Variants in STARD9 observed in about 807,000 individuals in gnomAD.
STARD9 encodes the protein stAR-related lipid transfer protein 9.
Under a neutral mutation model 399.8 loss-of-function variants are expected in STARD9, and 346 were observed. That is an observed-to-expected ratio of 0.87 (90% CI 0.79 to 0.95). The LOEUF (loss-of-function observed/expected upper bound fraction) is 0.95. STARD9 is among the 40% of genes least tolerant of loss of function. The pLI is 0.00. For missense variants in STARD9, 5,832 were observed against 5,667.5 expected, an observed-to-expected ratio of 1.03 and a Z score of -0.93; for synonymous variants, 2,203 against 2,143.5, an observed-to-expected ratio of 1.03 and a Z score of -0.77.
chr15:42,576,124 G>A (rs1408940491), intron 1 of STARD9, among the ~76,000 whole-genome samples: 1 of 152,188 alleles, frequency 6.6e-6, no homozygotes, highest in Non-Finnish European at 1.5e-5. Flanking sequence ...GGGCTTGGGA[G>A]TACCCATGAG....
intron 24 of STARD9, 79 bp from the exon 25 acceptor site, chr15:42,695,061 C>T (rs2060810963): frequency 2.5e-6 from 3 of 1,200,014 alleles, no homozygotes; most frequent in African/African-American, 3.1e-5. Flanking sequence ...AAGGTGGTAT[C>T]ACCCAAGCTA....
At chr15:42,699,584 G>A (rs1383147364) in intron 26 of STARD9, among the ~76,000 whole-genome samples, 3 of 151,404 alleles carry the variant, frequency 2.0e-5, no homozygotes, top group Non-Finnish European at 1.5e-5. Context: ...TAGTAGAGAT[G>A]GGGTTTCACC....
intron 9 of STARD9, among the ~76,000 whole-genome samples, chr15:42,654,764 G>A (rs1284268532): frequency 2.0e-5 from 3 of 152,076 alleles, no homozygotes; most frequent in Admixed American, 2.0e-4. Flanking sequence ...AAACACCGCT[G>A]AAAGAAATCA....
chr15:42,592,303 G>C (rs1283225462), intron 3 of STARD9, among the ~76,000 whole-genome samples: 3 of 152,138 alleles, frequency 2.0e-5, no homozygotes, highest in African/African-American at 7.2e-5. Flanking sequence ...AAGGATATGG[G>C]AAAAGGAAGC....
intron 3 of STARD9, among the ~76,000 whole-genome samples, chr15:42,631,444 G>T (rs1191952471): frequency 1.3e-5 from 2 of 152,040 alleles, no homozygotes; most frequent in African/African-American, 4.8e-5. Flanking sequence ...ACCAGGCGTG[G>T]TGGTGTGCGC....
chr15:42,598,836 C>G (rs1444453520), intron 3 of STARD9, among the ~76,000 whole-genome samples: 1 of 152,162 alleles, frequency 6.6e-6, no homozygotes, highest in African/African-American at 2.4e-5. Context: ...TTATTGAACA[C>G]TCATTCTTTC....
At chr15:42,647,108 A>G (rs1029039562) in intron 7 of STARD9, among the ~76,000 whole-genome samples, 12 of 152,360 alleles carry the variant, frequency 7.9e-5, no homozygotes, top group Middle Eastern at 3.4e-3. Context: ...CAGATATAAT[A>G]ATAATGAAAA....
intron 25 of STARD9, 52 bp from the exon 26 acceptor site, chr15:42,695,691 G>C (rs1278802965): frequency 5.9e-6 from 9 of 1,513,884 alleles, no homozygotes; most frequent in South Asian, 1.2e-5. Flanking sequence ...GCGTGGCCTG[G>C]GGAAAGTGAG....
At chr15:42,630,944 G>T (rs1255849229) in intron 3 of STARD9, among the ~76,000 whole-genome samples, 1 of 143,612 alleles carries the variant, frequency 7.0e-6, no homozygotes, top group South Asian at 2.2e-4. Flanking sequence ...TTTTTCTTCT[G>T]CTCATTTTGT....
intron 10 of STARD9, among the ~76,000 whole-genome samples, chr15:42,661,507 T>C (rs1000558831): frequency 7.2e-5 from 11 of 152,084 alleles, no homozygotes; most frequent in African/African-American, 2.7e-4. Flanking sequence ...TGCAGTAGTA[T>C]GATCATGGCT....
rs749951488 is a variant in STARD9 at position 42,688,493 on chromosome 15, C to A, written c.6915C>A (p.Asp2305Glu). The A allele has an allele frequency of 6.5e-7, 1 of 1,537,884 alleles. No individual in the cohort carries two copies. Among genetic ancestry groups the A allele is most frequent in the South Asian group, 1.2e-5 (1 of 84,060 alleles). The change falls in exon 23 of 33, where the codon GAC (aspartate) becomes GAA (glutamate). Residue 2305 changes from aspartate (D) to glutamate (E), a missense_variant. Asp to Glu is a conservative substitution (Grantham distance 45). This residue lies in a region of STARD9 where 5,828 missense variants were observed against 5,651.1 expected (regional missense o/e 1.03). Transcript: ENST00000290607. ...CTAGTCTCAGCCAGCTTTGTAGGGA[C>A]ACGTTTTTCAGGCAGGAAACTGTCA... ...KFPSLSQLCR[D>E]TFFRQETVSP...
intron 7 of STARD9, among the ~76,000 whole-genome samples, chr15:42,649,654 G>T (rs563814666): frequency 6.7e-4 from 101 of 151,380 alleles, no homozygotes; most frequent in African/African-American, 2.4e-3. Context: ...CTGCCTCCTA[G>T]GTCCAAGTGA....
chr15:42,645,684 C>T lies in STARD9; in HGVS notation c.560-5332C>T, dbSNP rs1176119711. On this transcript the variant is annotated intron_variant, in intron 7 of 32. Transcript: ENST00000290607. ...AGGCTCATGTGATTCATTTTCCCACCCATGCGCTACCATACCTGGCTAATT... is the reference window on the plus strand; with the variant it reads ...AGGCTCATGTGATTCATTTTCCCACTCATGCGCTACCATACCTGGCTAATT... Among the ~76,000 whole-genome samples the T allele has an allele frequency of 2.0e-5, 3 of 151,822 alleles. No homozygotes were observed. The East Asian group carries it at 5.9e-4, about 30-fold the overall frequency.
In STARD9 at chr15:42,685,215, G is replaced by A. The variant is rs1251704823; in HGVS notation, c.3637G>A (p.Glu1213Lys). 2 of 1,537,266 alleles carry A rather than the reference G, an allele frequency of 1.3e-6. No homozygotes were observed. The highest frequency in any genetic ancestry group is 2.4e-5 in the South Asian group (2 of 84,058). ...SLDSLIDAEE[E>K]LGEDQQEEPF... ...GGATAGCCTGATTGATGCAGAGGAA[G>A]AACTGGGGGAAGATCAGCAAGAAGA... is the stretch of plus-strand genomic sequence containing the variant. Residue 1213 changes from glutamate (E) to lysine (K), a missense_variant, in exon 23 of 33, where the codon GAA (glutamate) becomes AAA (lysine). Coordinates refer to ENST00000290607, the MANE Select transcript of STARD9 (RefSeq NM_020759.3).
chr15:42,711,008 G>T (rs1418601585), intron 26 of STARD9, among the ~76,000 whole-genome samples: 3 of 150,738 alleles, frequency 2.0e-5, no homozygotes, highest in African/African-American at 4.9e-5. Flanking sequence ...AAGAGACAGG[G>T]TCTCTGTCAC....
At chr15:42,622,616 T>C (rs1409370843) in intron 3 of STARD9, among the ~76,000 whole-genome samples, 1 of 152,204 alleles carries the variant, frequency 6.6e-6, no homozygotes. Context: ...TTTGTTTGAC[T>C]GTCTCTGTGG....
At chr15:42,587,440 G>A (rs909118128) in intron 3 of STARD9, among the ~76,000 whole-genome samples, 1 of 152,210 alleles carries the variant, frequency 6.6e-6, no homozygotes, top group East Asian at 1.9e-4. Context: ...TGTGTTTGCT[G>A]TTAATGCTCA....
At chr15:42,647,187 A>G (rs2059663017) in intron 7 of STARD9, among the ~76,000 whole-genome samples, 4 of 152,170 alleles carry the variant, frequency 2.6e-5, no homozygotes, top group African/African-American at 9.7e-5. Context: ...TAAATTTTCC[A>G]TGTATGCTTG....
chr15:42,585,118 T>A (rs756975691), intron 2 of STARD9, among the ~76,000 whole-genome samples: 2 of 152,212 alleles, frequency 1.3e-5, no homozygotes, highest in East Asian at 1.9e-4. Flanking sequence ...CCCCAAGATA[T>A]TATGTATATG....
Sources: gnomAD v4.1 joint callset for allele counts (sites outside exome capture counted in the v4.1 genomes callset) on GRCh38, gnomAD v4.1.1 for gene constraint, gnomAD v4.1.1 regional missense constraint, MANE v1.5 for transcripts, NCBI Gene and HGNC (gene_info 2026-07-23, HGNC 2026-07-21) for gene names.